The following ARHGAP39 variants were observed in gnomAD, a reference collection of about 807,000 sequenced individuals.
The protein encoded by ARHGAP39 is rho GTPase-activating protein 39.
Under a neutral mutation model 106.9 loss-of-function variants are expected in ARHGAP39, and 44 were observed. The observed-to-expected ratio is 0.41, with a 90% CI of 0.32 to 0.53. The LOEUF is 0.53. ARHGAP39 is among the 20% of genes least tolerant of loss of function. The pLI is 0.21. For synonymous variants in ARHGAP39, 768 were observed against 693.2 expected (o/e 1.11, Z -1.69); for missense variants, 1,496 against 1,577.3 (o/e 0.95, Z 0.87).
rs1816547101 is a variant in ARHGAP39, at chr8:144,529,285, CTG to C, written c.*1135_*1136del. On this transcript the variant is annotated 3_prime_UTR_variant, in exon 12 of 12. Transcript: ENST00000377307. ...CCGCAAAGGCCCCGGGACCACCCGA[CTG>C]AGGACGCCGCCCAGGCCTCGGCAGG... The C allele has an allele frequency of 5.0e-6, 1 of 199,368 alleles. No homozygotes were observed. The highest frequency in any genetic ancestry group is 6.0e-5 in the Admixed American group (1 of 16,542). 12.3% of individuals were successfully genotyped at this position (199,368 alleles called of 1,614,324 possible). A position where few individuals can be genotyped will look rare whatever the true frequency, so the allele number is the denominator to read the frequency against.
intron 1 of ARHGAP39, among the ~76,000 whole-genome samples, chr8:144,628,876 G>A (rs1281839678): frequency 1.3e-5 from 2 of 152,196 alleles, no homozygotes; most frequent in Non-Finnish European, 2.9e-5. Flanking sequence ...CGATTCTTGT[G>A]ATGGCAGGCG....
the ARHGAP39 span, chr8:144,698,709 G>T: frequency 2.8e-6 from 1 of 362,072 alleles, no homozygotes; most frequent in Non-Finnish European, 5.5e-6. Flanking sequence ...GGCTTTTCCT[G>T]GCCTGCCTGG....
intron 1 of ARHGAP39, among the ~76,000 whole-genome samples, chr8:144,664,644 T>C (rs559696356): frequency 6.6e-6 from 1 of 152,330 alleles, no homozygotes; most frequent in South Asian, 2.1e-4. Flanking sequence ...GGCTGGTCTT[T>C]CCTGTGTTAT....
chr8:144,580,920 A>C lies in ARHGAP39; in HGVS notation c.438T>G (p.Thr146=). The C allele has an allele frequency of 6.2e-7, 1 of 1,604,980 alleles. No individual in the cohort carries two copies. Residue 146 remains threonine, a synonymous_variant, in exon 3 of 12, where the codon ACT becomes ACG. Coordinates refer to ENST00000377307, the MANE Select transcript of ARHGAP39 (RefSeq NM_025251.3). Reference sequence around the variant, plus strand: ...TCGCTGGCAACTCCTGCGCTTTCTCAGTGTCGGGCTCGGGCTCCAGGGAGG... The same window carrying C: ...TCGCTGGCAACTCCTGCGCTTTCTCCGTGTCGGGCTCGGGCTCCAGGGAGG... ...TSSSLEPEPD[T]EKAQELPARA...
At chr8:144,678,316 C>T (rs1228804025) in intron 1 of ARHGAP39, among the ~76,000 whole-genome samples, 2 of 151,942 alleles carry the variant, frequency 1.3e-5, no homozygotes, top group South Asian at 2.1e-4. Flanking sequence ...CCCTCAAGGA[C>T]TTCCCAGTCT....
At chr8:144,606,525 T>C (rs528059108) in intron 1 of ARHGAP39, among the ~76,000 whole-genome samples, 1 of 152,338 alleles carries the variant, frequency 6.6e-6, no homozygotes, top group East Asian at 1.9e-4. Context: ...TACAATAGCA[T>C]ACAAAATGCA....
In ARHGAP39 at chr8:144,530,383, G is replaced by C. The variant is rs767659192; in HGVS notation, c.*39C>G. 6.4e-7 allele frequency: 1 copy of C among 1,552,256 alleles called. No individual in the cohort carries two copies. The highest frequency in any genetic ancestry group is 8.7e-7 in the Non-Finnish European group (1 of 1,143,888). ...GCGAGTGCGGAGTTCGGCCTGGCTG[G>C]GGGCGGCAGGACATCCCTCCTGTCC... On this transcript the variant is annotated 3_prime_UTR_variant, in exon 12 of 12. Transcript: ENST00000377307.
rs954018228 is a variant in ARHGAP39 at position 144,548,034 on chromosome 8, C to G, written c.1052G>C (p.Arg351Pro). The part of the protein sequence containing the change: ...QAGSPQRSPG[R>P]KPRPFLQPNK... Reference sequence around the variant, plus strand: ...GGGCTGGAGGAACGGCCGGGGCTTACGGCCCGGCGACCGCTGGGGAGAGCC... The same window carrying G: ...GGGCTGGAGGAACGGCCGGGGCTTAGGGCCCGGCGACCGCTGGGGAGAGCC... Residue 351 changes from arginine to proline, a missense_variant, in exon 5 of 12, where the codon CGT becomes CCT. By Grantham distance (103) the Arg-to-Pro change is moderately radical. Transcript: ENST00000377307. The surrounding 1 kb of genome is among the most constrained non-coding windows in gnomAD (Gnocchi z 7.4). The G allele has an allele frequency of 1.2e-6, 2 of 1,604,918 alleles. No individual in the cohort carries two copies. Among genetic ancestry groups the G allele is most frequent in the Admixed American group, 1.7e-5 (1 of 59,494 alleles).
intron 2 of ARHGAP39, among the ~76,000 whole-genome samples, chr8:144,584,862 T>C (rs1819122279): frequency 6.6e-6 from 1 of 152,184 alleles, no homozygotes; most frequent in Admixed American, 6.5e-5. Context: ...CTGAGCGGTG[T>C]CTTAGTTACG....
At chr8:144,595,768 G>C (rs897461744) in intron 2 of ARHGAP39, among the ~76,000 whole-genome samples, 2 of 152,130 alleles carry the variant, frequency 1.3e-5, no homozygotes, top group African/African-American at 2.4e-5. Flanking sequence ...CCCTCTTGGT[G>C]GGTCCAGTGG....
At chr8:144,667,471 C>T (rs1004564315) in intron 1 of ARHGAP39, among the ~76,000 whole-genome samples, 2 of 152,188 alleles carry the variant, frequency 1.3e-5, no homozygotes, top group Non-Finnish European at 2.9e-5. Context: ...TCACATGTCA[C>T]GTGTCTGCTT....
At position 144,684,937 on chromosome 8, in the gene ARHGAP39, C is replaced by T. The variant is rs186759025; in HGVS notation, c.-82+749G>A. Reference sequence around the variant, plus strand: ...AGCCCGAGGCTGCACCGCAGCGCACCGCAGCCCTGCACCCGGGCCGCCCTT... The same window carrying T: ...AGCCCGAGGCTGCACCGCAGCGCACTGCAGCCCTGCACCCGGGCCGCCCTT... On this transcript the variant is annotated intron_variant, in intron 1 of 11. Transcript: ENST00000377307. This position sits in a 1 kb window ranked among gnomAD's most constrained non-coding sequence, Gnocchi z 4.4. 6.6e-6 allele frequency among the ~76,000 whole-genome samples: 1 copy of T among 152,224 alleles called. No individual in the cohort carries two copies. Among genetic ancestry groups the T allele is most frequent in the Non-Finnish European group, 1.5e-5 (1 of 68,034 alleles).
chr8:144,553,387 G>GT (rs1472524233), intron 4 of ARHGAP39, among the ~76,000 whole-genome samples: 2 of 152,200 alleles, frequency 1.3e-5, no homozygotes, highest in Non-Finnish European at 2.9e-5. Flanking sequence ...TCTGGCGAGC[G>GT]TGAGTCCCAC....
At chr8:144,535,782 G>A (rs920740167) in intron 7 of ARHGAP39, among the ~76,000 whole-genome samples, 3 of 151,840 alleles carry the variant, frequency 2.0e-5, no homozygotes, top group South Asian at 2.1e-4. Context: ...TGGGGCCACC[G>A]CCTCTCAGCT....
intron 1 of ARHGAP39, among the ~76,000 whole-genome samples, chr8:144,675,432 C>T (rs780774932): frequency 3.3e-5 from 5 of 152,152 alleles, no homozygotes; most frequent in South Asian, 2.1e-4. Context: ...ATGGTGTGTC[C>T]GGAGTTTGTT....
At chr8:144,595,541 T>C (rs1248963736) in intron 2 of ARHGAP39, among the ~76,000 whole-genome samples, 2 of 151,992 alleles carry the variant, frequency 1.3e-5, no homozygotes, top group Non-Finnish European at 2.9e-5. Context: ...TTGTGGCATG[T>C]GAATTATATA....
chr8:144,601,421 C>T (rs562075824), intron 2 of ARHGAP39, among the ~76,000 whole-genome samples: 29 of 103,902 alleles, frequency 2.8e-4, no homozygotes, highest in Admixed American at 9.8e-4. Flanking sequence ...TGCATGGAGG[C>T]GTGCGTGCGT....
At position 144,545,647 on chromosome 8, in the gene ARHGAP39, C is replaced by A; in HGVS notation, c.2123G>T (p.Gly708Val). 2 of 1,613,636 alleles carry A rather than the reference C, an allele frequency of 1.2e-6. No homozygotes were observed. Among genetic ancestry groups the A allele is most frequent in the Non-Finnish European group, 1.7e-6 (2 of 1,180,030 alleles). ...GATGGACACCTTCCGCCGGAAGAGG[C>A]CCTGCGTGTGCTTGTTGAAGTGCTT... ...ASKHFNKHTQ[G>V]LFRRKVSIAN... The change falls in exon 6 of 12, where the codon GGC (glycine) becomes GTC (valine). Residue 708 changes from glycine (G) to valine (V), a missense_variant. By Grantham distance (109) the Gly-to-Val change is moderately radical. Around this residue, in one of 4 missense-constraint regions of ARHGAP39, gnomAD observed 470 missense variants for 605.1 expected, o/e 0.78. Transcript: ENST00000377307.
At chr8:144,599,298 T>C (rs1264667134) in intron 2 of ARHGAP39, among the ~76,000 whole-genome samples, 8 of 151,746 alleles carry the variant, frequency 5.3e-5, no homozygotes, top group East Asian at 1.9e-4. Flanking sequence ...ACACACACAA[T>C]AGAGGCCCAG....
Sources: allele counts gnomAD v4.1 joint callset (sites outside exome capture counted in the v4.1 genomes callset), GRCh38; gene constraint gnomAD v4.1.1; regional missense constraint gnomAD v4.1.1; non-coding constraint Gnocchi (gnomAD v3.1); transcripts MANE v1.5; gene names NCBI Gene and HGNC (gene_info 2026-07-23, HGNC 2026-07-21).